The following COL24A1 variants were observed in gnomAD, a reference collection of about 807,000 sequenced individuals.
COL24A1 encodes collagen alpha-1(XXIV) chain.
In COL24A1, 224 loss-of-function variants were observed where a neutral mutation model predicts 253.9. The observed-to-expected ratio is 0.88, with a 90% CI of 0.79 to 0.99. The LOEUF is 0.99. Among genes scored for constraint, COL24A1 ranks in the 50% least tolerant of loss-of-function variants. The pLI is 0.00. For missense variants in COL24A1, 2,131 were observed against 2,068.5 expected (o/e 1.03, Z -0.59); for synonymous variants, 685 against 673.7 (o/e 1.02, Z -0.26).
rs569512825 is a variant in COL24A1, at chr1:85,785,269, A to T, written c.4060-903T>A. Among the ~76,000 whole-genome samples, 3 of 152,308 alleles carry T rather than the reference A, an allele frequency of 2.0e-5. No individual in the cohort carries two copies. In the East Asian group the frequency reaches 5.8e-4, roughly 29 times the overall value. On this transcript the variant is annotated intron_variant, in intron 48 of 59. Transcript: ENST00000370571. ...TTTAAGTACATACTTAATCAACATT[A>T]TTGAATTTCTAAAAGTCAAGTCTTT...
intron 5 of COL24A1, among the ~76,000 whole-genome samples, chr1:86,108,106 T>C: frequency 6.6e-6 from 1 of 152,154 alleles, no homozygotes; most frequent in East Asian, 1.9e-4. Flanking sequence ...CATTTTCTTC[T>C]CTCCTAGGTC....
chr1:85,923,385 T>C (rs1336912655), intron 24 of COL24A1, among the ~76,000 whole-genome samples: 4 of 152,054 alleles, frequency 2.6e-5, no homozygotes, highest in Admixed American at 6.6e-5. Context: ...CAGCAACACA[T>C]CACACTTATT....
chr1:86,071,257 A>G (rs1380172850), intron 7 of COL24A1, among the ~76,000 whole-genome samples: 1 of 152,182 alleles, frequency 6.6e-6, no homozygotes, highest in East Asian at 1.9e-4. Flanking sequence ...ATACATAACA[A>G]ATAAAAAGCA....
At chr1:85,885,397 A>ATATTTTTTTTTTT (rs60994639) in intron 32 of COL24A1, among the ~76,000 whole-genome samples, 1 of 128,902 alleles carries the variant, frequency 7.8e-6, no homozygotes, top group Non-Finnish European at 1.6e-5. Context: ...ATATATATAT[A>ATATTTTTTTTTTT]TTTTTTTTTT....
At chr1:86,071,636 A>G (rs1408740421) in intron 7 of COL24A1, among the ~76,000 whole-genome samples, 1 of 152,234 alleles carries the variant, frequency 6.6e-6, no homozygotes, top group Non-Finnish European at 1.5e-5. Context: ...AACAAAAACT[A>G]TAAGATGAGA....
At chr1:85,833,092 A>T (rs1675534419) in intron 43 of COL24A1, among the ~76,000 whole-genome samples, 1 of 152,078 alleles carries the variant, frequency 6.6e-6, no homozygotes, top group Admixed American at 6.5e-5. Context: ...TTATTTTGAG[A>T]TACGTCCCAT....
At chr1:85,737,677 C>A (rs1047792256) in intron 57 of COL24A1, among the ~76,000 whole-genome samples, 172 bp from the exon 58 acceptor site, 1 of 152,014 alleles carries the variant, frequency 6.6e-6, no homozygotes, top group African/African-American at 2.4e-5. Flanking sequence ...GATTCTCATG[C>A]CTCAACCTCC....
At chr1:86,044,229 T>C (rs1699729637) in intron 12 of COL24A1, among the ~76,000 whole-genome samples, 1 of 152,172 alleles carries the variant, frequency 6.6e-6, no homozygotes, top group South Asian at 2.1e-4. Context: ...GCATAATACC[T>C]TTTGAAGATG....
chr1:86,124,812 AT>A, intron 3 of COL24A1, 32 bp downstream of exon 3: 1 of 1,459,446 alleles, frequency 6.9e-7, no homozygotes, highest in Non-Finnish European at 9.1e-7. Flanking sequence ...GTAAGTTAGC[AT>A]ATTAGGAGAT....
At chr1:85,785,063 T>C (rs982098437) in intron 48 of COL24A1, among the ~76,000 whole-genome samples, 2 of 152,132 alleles carry the variant, frequency 1.3e-5, no homozygotes, top group Non-Finnish European at 2.9e-5. Flanking sequence ...ATCATTTTTC[T>C]GTGTTTTCCC....
intron 45 of COL24A1, among the ~76,000 whole-genome samples, chr1:85,821,897 C>T (rs6693669): frequency 0.44 from 66,294 of 151,956 alleles, 15,285 homozygotes; most frequent in African/African-American, 0.53. Flanking sequence ...AGAAAGCCTG[C>T]AAATATGAAA....
At chr1:86,152,001 A>G (rs1652841081) in intron 1 of COL24A1, among the ~76,000 whole-genome samples, 1 of 152,210 alleles carries the variant, frequency 6.6e-6, no homozygotes. Flanking sequence ...AAACTTCTCT[A>G]AGTCATGACA....
At chr1:85,732,292 C>T (rs141494995) in intron 59 of COL24A1, among the ~76,000 whole-genome samples, 157 of 150,004 alleles carry the variant, frequency 1.0e-3, no homozygotes, top group African/African-American at 3.7e-3. Flanking sequence ...TGCAGTGGTG[C>T]AATCTAGGCT....
chr1:85,784,143 C>G lies in COL24A1; in HGVS notation c.4191G>C (p.Leu1397Phe), dbSNP rs758819099. The G allele has an allele frequency of 1.9e-6, 3 of 1,613,632 alleles. No individual in the cohort carries two copies. The highest frequency in any genetic ancestry group is 3.3e-5 in the Admixed American group (2 of 59,968). ...GGCCTGGGAATCCTTGGAAACCTGT[C>G]AAACCTTGAACACCATATTCTCCCT... Reference protein sequence around the residue: ...GQPGEYGVQGLTGFQGFPGPK... With the variant: ...GQPGEYGVQGFTGFQGFPGPK... The change falls in exon 50 of 60, where the codon TTG becomes TTC. Residue 1397 changes from leucine (L) to phenylalanine (F), a missense_variant. Transcript: ENST00000370571.
intron 35 of COL24A1, 68 bp from the exon 36 acceptor site, chr1:85,868,903 A>T: frequency 8.8e-7 from 1 of 1,140,276 alleles, no homozygotes; most frequent in Non-Finnish European, 1.3e-6. Flanking sequence ...TTTTATTTTT[A>T]GCCCATAGTA....
At chr1:85,795,245 G>A (rs966037835) in intron 47 of COL24A1, among the ~76,000 whole-genome samples, 3 of 152,082 alleles carry the variant, frequency 2.0e-5, no homozygotes, top group African/African-American at 7.2e-5. Flanking sequence ...GATCTGGGAA[G>A]GAAAATGGTG....
chr1:86,104,632 A>G (rs895746578), intron 5 of COL24A1, among the ~76,000 whole-genome samples: 1 of 152,182 alleles, frequency 6.6e-6, no homozygotes, highest in Admixed American at 6.5e-5. Context: ...CATTTCTGGC[A>G]GATTTTAAGT....
At chr1:85,818,460 G>A (rs1443884120) in intron 45 of COL24A1, among the ~76,000 whole-genome samples, 1 of 152,106 alleles carries the variant, frequency 6.6e-6, no homozygotes, top group East Asian at 1.9e-4. Context: ...ATGTATCAGG[G>A]ACTCTGTCAT....
In COL24A1 at chr1:86,021,671, A is replaced by G. The variant is rs144501748; in HGVS notation, c.2256+569T>C. 1.6e-3 allele frequency among the ~76,000 whole-genome samples: 249 copies of G among 152,196 alleles called. 1 individual carries two copies. The highest frequency in any genetic ancestry group is 2.4e-3 in the Non-Finnish European group (163 of 67,992). On this transcript the variant is annotated intron_variant, in intron 18 of 59. Transcript: ENST00000370571. ...ATTATGATTTTTAATATTTAGAAAT[A>G]TATTTTCTCAAGTTTTAACCATTTT...
Sources: gnomAD v4.1 joint callset for allele counts (sites outside exome capture counted in the v4.1 genomes callset) on GRCh38, gnomAD v4.1.1 for gene constraint, MANE v1.5 for transcripts, NCBI Gene and HGNC (gene_info 2026-07-23, HGNC 2026-07-21) for gene names.